Variants in RNF144A observed in about 807,000 individuals in gnomAD.
RNF144A encodes the protein ring finger protein 144A, also known as E3 ubiquitin-protein ligase RNF144A.
Under a neutral mutation model 38.7 loss-of-function variants are expected in RNF144A, and 11 were observed. The observed-to-expected ratio is 0.28, with a 90% CI of 0.18 to 0.47. The LOEUF (loss-of-function observed/expected upper bound fraction) is 0.47. RNF144A is among the 20% of genes least tolerant of loss of function. The probability of loss-of-function intolerance (pLI) is 0.99; values close to 1 mark genes in which losing one functional copy is unlikely to be tolerated. For missense variants in RNF144A, 316 were observed against 377.2 expected (o/e 0.84, Z 1.34); for synonymous variants, 149 against 143.9 (o/e 1.04, Z -0.25).
intron 6 of RNF144A, among the ~76,000 whole-genome samples, chr2:7,050,147 G>T (rs758732498): frequency 2.6e-4 from 40 of 152,150 alleles, no homozygotes; most frequent in Non-Finnish European, 5.3e-4. Flanking sequence ...ATATGGTTTG[G>T]CTGTGTCCCC....
In RNF144A at chr2:7,040,078, C is replaced by T. The variant is rs1184761797; in HGVS notation, c.*318C>T. On this transcript the variant is annotated 3_prime_UTR_variant, in exon 9 of 9. Transcript: ENST00000320892. ...TAGACTAGGCATGTCTGGGGATGGC[C>T]TAAGAGACTTTCTGCTCCTTGGCTT... 2 of 1,067,898 alleles carry T rather than the reference C, an allele frequency of 1.9e-6. No homozygotes were observed. The highest frequency in any genetic ancestry group is 3.3e-5 in the African/African-American group (2 of 59,754). The allele number at this position is 1,067,898 out of a possible 1,614,324, so 66.2% of individuals were successfully genotyped here.
chr2:7,016,104 T>TAAAA (rs35418947), intron 5 of RNF144A, among the ~76,000 whole-genome samples: 4 of 115,128 alleles, frequency 3.5e-5, no homozygotes, highest in African/African-American at 1.3e-4. Context: ...ACCCCGTCTC[T>TAAAA]AAAAAAAAAA....
chr2:6,970,926 C>T (rs1373724716), intron 2 of RNF144A, among the ~76,000 whole-genome samples: 1 of 152,212 alleles, frequency 6.6e-6, no homozygotes, highest in Admixed American at 6.5e-5. Flanking sequence ...AAATTTAGTG[C>T]ACAAAGTCAT....
At chr2:6,942,141 T>C (rs894219498) in intron 2 of RNF144A, among the ~76,000 whole-genome samples, 1 of 152,134 alleles carries the variant, frequency 6.6e-6, no homozygotes, top group African/African-American at 2.4e-5. Context: ...AAGGCTACAG[T>C]CCAGGAGACC....
chr2:7,037,965 C>T (rs983903480), intron 8 of RNF144A, among the ~76,000 whole-genome samples: 4 of 152,222 alleles, frequency 2.6e-5, no homozygotes, highest in African/African-American at 9.7e-5. Flanking sequence ...AGGCTGCCTG[C>T]CTGGGTTGGG....
At chr2:7,034,013 G>T (rs962902863) in intron 8 of RNF144A, among the ~76,000 whole-genome samples, 2 of 152,162 alleles carry the variant, frequency 1.3e-5, no homozygotes, top group Admixed American at 6.5e-5. Context: ...CTGTGTCCCC[G>T]TCCCAGGAGC....
intron 8 of RNF144A, among the ~76,000 whole-genome samples, chr2:7,033,360 GCAGT>G: frequency 6.6e-6 from 1 of 152,356 alleles, no homozygotes; most frequent in Middle Eastern, 3.4e-3. Flanking sequence ...GCTGGGGCTG[GCAGT>G]CAGATATCCT....
intron 2 of RNF144A, among the ~76,000 whole-genome samples, chr2:6,953,429 CA>C (rs1274108440): frequency 6.6e-6 from 1 of 151,900 alleles, no homozygotes; most frequent in Non-Finnish European, 1.5e-5. Flanking sequence ...AACTGCGTCT[CA>C]AAAAAAATTT....
At chr2:7,014,888 T>C (rs1671042721) in intron 5 of RNF144A, 116 bp downstream of exon 5, 1 of 743,822 alleles carries the variant, frequency 1.3e-6, no homozygotes, top group African/African-American at 1.8e-5. Flanking sequence ...AGTTAAAAAG[T>C]TGATGTAAAA....
intron 1 of RNF144A, among the ~76,000 whole-genome samples, chr2:6,924,270 C>T (rs1558352879): frequency 6.6e-6 from 1 of 152,252 alleles, no homozygotes; most frequent in Non-Finnish European, 1.5e-5. Context: ...TCCAGAGTAA[C>T]AGCTGGCGAG....
chr2:6,986,444 G>C (rs1159575629), intron 2 of RNF144A, among the ~76,000 whole-genome samples: 1 of 152,084 alleles, frequency 6.6e-6, no homozygotes, highest in Non-Finnish European at 1.5e-5. Context: ...TGCCGGGCCT[G>C]CCCCCTTGTT....
chr2:6,949,287 A>G (rs994486307), intron 2 of RNF144A, among the ~76,000 whole-genome samples: 1 of 152,194 alleles, frequency 6.6e-6, no homozygotes, highest in Non-Finnish European at 1.5e-5. Context: ...GGAGGTTTGT[A>G]TATAAATGTT....
chr2:7,065,897 A>G (rs1674193894), intron 6 of RNF144A, among the ~76,000 whole-genome samples: 1 of 152,230 alleles, frequency 6.6e-6, no homozygotes, highest in Non-Finnish European at 1.5e-5. Flanking sequence ...ACTGGGTAAG[A>G]ATTTGCAGAA....
chr2:6,938,475 T>C (rs892130134), intron 1 of RNF144A, among the ~76,000 whole-genome samples: 2 of 152,112 alleles, frequency 1.3e-5, no homozygotes, highest in South Asian at 2.1e-4. Context: ...CTCAAACTCC[T>C]GACCTCGTGA....
chr2:6,936,435 A>G (rs989470877), intron 1 of RNF144A, among the ~76,000 whole-genome samples: 1 of 151,936 alleles, frequency 6.6e-6, no homozygotes, highest in African/African-American at 2.4e-5. Context: ...TCAGACTGCA[A>G]AGTTCTGAAG....
intron 6 of RNF144A, among the ~76,000 whole-genome samples, chr2:7,049,294 A>G (rs1673427199): frequency 6.6e-6 from 1 of 152,382 alleles, no homozygotes; most frequent in East Asian, 1.9e-4. Flanking sequence ...TCAGTGCTCA[A>G]CAAATGTTGC....
chr2:7,036,782 G>T (rs1672707558), intron 8 of RNF144A, among the ~76,000 whole-genome samples: 1 of 152,102 alleles, frequency 6.6e-6, no homozygotes, highest in Non-Finnish European at 1.5e-5. Flanking sequence ...CTCAGATTTT[G>T]GCTTAGTTTT....
chr2:7,013,521 G>A (rs143619310), intron 3 of RNF144A, among the ~76,000 whole-genome samples: 4 of 152,130 alleles, frequency 2.6e-5, no homozygotes, highest in Middle Eastern at 3.4e-3. Flanking sequence ...AAATATACTG[G>A]GACTGTGATT....
Position 6,943,677 on chromosome 2 carries a change from G to A in RNF144A, c.-12+2530G>A, listed in dbSNP as rs1440027636. Reference sequence around the variant, plus strand: ...AGTTACTGGCTTTAGGAGGAACACGGATAGTTACCAGTGGGGATGGACCAA... The same window carrying A: ...AGTTACTGGCTTTAGGAGGAACACGAATAGTTACCAGTGGGGATGGACCAA... On this transcript the variant is annotated intron_variant, in intron 2 of 8. Transcript: ENST00000320892. This position sits in a 1 kb window ranked among gnomAD's most constrained non-coding sequence, Gnocchi z 4.3. 6.6e-6 allele frequency among the ~76,000 whole-genome samples: 1 copy of A among 152,178 alleles called. No homozygotes were observed. The highest frequency in any genetic ancestry group is 1.5e-5 in the Non-Finnish European group (1 of 68,038).
Sources: gnomAD v4.1 joint callset for allele counts (sites outside exome capture counted in the v4.1 genomes callset) on GRCh38, gnomAD v4.1.1 for gene constraint, Gnocchi (gnomAD v3.1) non-coding constraint, MANE v1.5 for transcripts, NCBI Gene and HGNC (gene_info 2026-07-23, HGNC 2026-07-21) for gene names.